Variants in ZMIZ1 observed in about 807,000 individuals in gnomAD.
ZMIZ1 encodes the protein zinc finger MIZ-type containing 1.
In ZMIZ1, 17 loss-of-function variants were observed where a neutral mutation model predicts 113.9. That is an observed-to-expected ratio of 0.15 (90% CI 0.10 to 0.22). ZMIZ1 has a LOEUF of 0.22. ZMIZ1 is among the 10% of genes least tolerant of loss of function. The pLI, the probability that ZMIZ1 is intolerant of heterozygous loss-of-function variation, is 1.00. For synonymous variants in ZMIZ1, 607 were observed against 603.1 expected (o/e 1.01, Z -0.09); for missense variants, 1,059 against 1,477.8 (o/e 0.72, Z 4.65).
intron 7 of ZMIZ1, among the ~76,000 whole-genome samples, chr10:79,257,636 A>G (rs1232746260): frequency 1.3e-5 from 2 of 152,202 alleles, no homozygotes; most frequent in Non-Finnish European, 2.9e-5. Context: ...TTCAGGGAAG[A>G]AGCTGCTGGT....
chr10:79,294,167 G>C (rs1323028296), intron 12 of ZMIZ1: 1 of 178,396 alleles, frequency 5.6e-6, no homozygotes, highest in East Asian at 1.4e-4. Context: ...GAAGTGACTG[G>C]AAGGCAGAGA....
At chr10:79,236,592 C>G (rs1295666989) in intron 7 of ZMIZ1, among the ~76,000 whole-genome samples, 1 of 152,162 alleles carries the variant, frequency 6.6e-6, no homozygotes, top group Non-Finnish European at 1.5e-5. Context: ...CCCACCACCT[C>G]CAGCAGCCCC....
chr10:79,281,096 G>A (rs914126511), intron 8 of ZMIZ1, among the ~76,000 whole-genome samples: 1 of 152,180 alleles, frequency 6.6e-6, no homozygotes, highest in African/African-American at 2.4e-5. Flanking sequence ...ACCAGCCTCA[G>A]ACCTGCTTGA....
Position 79,312,871 on chromosome 10 carries a change from C to T in ZMIZ1, c.*122C>T, listed in dbSNP as rs939262010. The T allele has an allele frequency of 1.3e-4, 112 of 868,800 alleles. No individual in the cohort carries two copies. The highest frequency in any genetic ancestry group is 6.8e-4 in the Middle Eastern group (2 of 2,958). The allele number at this position is 868,800 out of a possible 1,614,324, so 53.8% of individuals were successfully genotyped here. ...CGCACCAGAGCCACGGGCTGTGGGG[C>T]GGGGAGCCCTCCCCCGCTGCAGCCC... On this transcript the variant is annotated 3_prime_UTR_variant, in exon 25 of 25. Coordinates refer to ENST00000334512, the MANE Select transcript of ZMIZ1 (RefSeq NM_020338.4).
At chr10:79,121,665 A>G (rs11002837) in intron 2 of ZMIZ1, among the ~76,000 whole-genome samples, 8,089 of 152,250 alleles carry the variant, frequency 0.053, 297 homozygotes, top group East Asian at 0.18. Context: ...AGGCTCTGTG[A>G]CCTGCTAAAG....
At chr10:79,255,243 G>A (rs553774961) in intron 7 of ZMIZ1, among the ~76,000 whole-genome samples, 171 of 152,308 alleles carry the variant, frequency 1.1e-3, no homozygotes, top group African/African-American at 3.8e-3. Flanking sequence ...GTTTCCAGGC[G>A]GCAGGTAGGT....
intron 1 of ZMIZ1, among the ~76,000 whole-genome samples, chr10:79,109,971 G>C (rs1397638577): frequency 6.6e-6 from 1 of 152,240 alleles, no homozygotes; most frequent in Non-Finnish European, 1.5e-5. Flanking sequence ...GGTCAGATGA[G>C]AAAAAGGTTC....
intron 14 of ZMIZ1, 52 bp downstream of exon 14, chr10:79,297,742 T>A: frequency 6.5e-7 from 1 of 1,532,308 alleles, no homozygotes; most frequent in Non-Finnish European, 9.0e-7. Flanking sequence ...TTGTTGCCTC[T>A]AAAGGTTCTC....
intron 2 of ZMIZ1, among the ~76,000 whole-genome samples, chr10:79,139,282 C>G (rs1407162769): frequency 6.6e-6 from 1 of 152,042 alleles, no homozygotes; most frequent in Non-Finnish European, 1.5e-5. Context: ...CCAGGCACGG[C>G]GCAGAGAGGA....
intron 7 of ZMIZ1, chr10:79,243,538 G>T (rs1849991006): frequency 6.8e-6 from 1 of 146,802 alleles, no homozygotes; most frequent in Admixed American, 6.8e-5. Context: ...GGAGCGAGCG[G>T]GCGCCGGACC....
chr10:79,198,036 G>A (rs1181855799), intron 4 of ZMIZ1, among the ~76,000 whole-genome samples: 2 of 152,116 alleles, frequency 1.3e-5, no homozygotes, highest in Non-Finnish European at 2.9e-5. Flanking sequence ...GAGATGGGTG[G>A]ATCACGAGAT....
chr10:79,292,413 C>T (rs918986990), intron 11 of ZMIZ1, 57 bp downstream of exon 11: 1 of 1,572,148 alleles, frequency 6.4e-7, no homozygotes, highest in African/African-American at 1.3e-5. Context: ...GCAGACAGCC[C>T]TGGGAAACCA....
chr10:79,247,792 G>A (rs1189652459), intron 7 of ZMIZ1, among the ~76,000 whole-genome samples: 1 of 152,212 alleles, frequency 6.6e-6, no homozygotes, highest in East Asian at 1.9e-4. Flanking sequence ...GGGGAGGCCC[G>A]GCCCCTGTGA....
intron 4 of ZMIZ1, among the ~76,000 whole-genome samples, chr10:79,171,460 G>A (rs551376681): frequency 5.3e-5 from 8 of 152,188 alleles, no homozygotes; most frequent in African/African-American, 7.2e-5. Flanking sequence ...AGGCCTCTGC[G>A]CAAGTCAGCC....
At chr10:79,163,494 A>G (rs139793840) in intron 4 of ZMIZ1, among the ~76,000 whole-genome samples, 1 of 152,362 alleles carries the variant, frequency 6.6e-6, no homozygotes, top group Non-Finnish European at 1.5e-5. Flanking sequence ...TCTCGTGAGC[A>G]TCTGCTGTGT....
At chr10:79,290,610 A>G (rs1853421564) in intron 9 of ZMIZ1, 2 of 438,672 alleles carry the variant, frequency 4.6e-6, no homozygotes, top group Admixed American at 2.8e-5. Flanking sequence ...AGTAGGCTTC[A>G]TGGCCAGGGC....
chr10:79,069,365 G>A lies in ZMIZ1; in HGVS notation c.-337+95G>A, dbSNP rs1589235572. On this transcript the variant is annotated intron_variant, in intron 1 of 24. Coordinates refer to ENST00000334512, the MANE Select transcript of ZMIZ1 (RefSeq NM_020338.4). The surrounding 1 kb of genome is among the most constrained non-coding windows in gnomAD (Gnocchi z 4.6). ...GGTGCAAGCGTGGGGATTGGGTGCT[G>A]GGGTTTTTCCCTTAAAGTGTCCCCC... is the stretch of plus-strand genomic sequence containing the variant. 2 of 150,612 alleles carry A rather than the reference G, an allele frequency of 1.3e-5. No individual in the cohort carries two copies. Among genetic ancestry groups the A allele is most frequent in the Admixed American group, 6.6e-5 (1 of 15,148 alleles). 9.3% of individuals were successfully genotyped at this position (150,612 alleles called of 1,614,324 possible). A position where few individuals can be genotyped will look rare whatever the true frequency, so the allele number is the denominator to read the frequency against.
intron 2 of ZMIZ1, among the ~76,000 whole-genome samples, chr10:79,135,604 GT>G (rs1484843673): frequency 1.3e-5 from 2 of 152,206 alleles, no homozygotes; most frequent in African/African-American, 4.8e-5. Flanking sequence ...CAGTTCTCGA[GT>G]TAAAGGGATA....
At chr10:79,299,884 G>A (rs371431263) in intron 16 of ZMIZ1, among the ~76,000 whole-genome samples, 18 of 152,300 alleles carry the variant, frequency 1.2e-4, no homozygotes, top group African/African-American at 4.3e-4. Context: ...AACCCTGGGG[G>A]TGTCCACCCT....
Sources: allele counts gnomAD v4.1 joint callset (sites outside exome capture counted in the v4.1 genomes callset), GRCh38; gene constraint gnomAD v4.1.1; non-coding constraint Gnocchi (gnomAD v3.1); transcripts MANE v1.5; gene names NCBI Gene and HGNC (gene_info 2026-07-23, HGNC 2026-07-21).